The following RBM47 variants were observed in gnomAD, a reference collection of about 807,000 sequenced individuals.
The protein encoded by RBM47 is RNA-binding protein 47.
In RBM47, 21 loss-of-function variants were observed where a neutral mutation model predicts 47.1. That is an observed-to-expected ratio of 0.45 (90% CI 0.32 to 0.64). RBM47 has a LOEUF of 0.64. Among genes scored for constraint, RBM47 ranks in the 30% least tolerant of loss-of-function variants. The pLI, the probability that RBM47 is intolerant of heterozygous loss-of-function variation, is 0.05. For missense variants in RBM47, 708 were observed against 870.9 expected, an observed-to-expected ratio of 0.81 and a Z score of 2.35; for synonymous variants, 375 against 361.7, an observed-to-expected ratio of 1.04 and a Z score of -0.42.
chr4:40,618,978 C>A (rs1025622845), intron 1 of RBM47, among the ~76,000 whole-genome samples: 2 of 152,118 alleles, frequency 1.3e-5, no homozygotes, highest in South Asian at 4.2e-4. Context: ...AGATCAGAAC[C>A]CCCCATCCTC....
chr4:40,436,171 C>CAAAAAAA (rs68002544), intron 5 of RBM47, among the ~76,000 whole-genome samples: 2 of 130,214 alleles, frequency 1.5e-5, no homozygotes, highest in African/African-American at 3.0e-5. Context: ...GACTCTGTCT[C>CAAAAAAA]AAAAAAAAAA....
chr4:40,425,631 A>G lies in RBM47; in HGVS notation c.*273T>C. 3.0e-6 allele frequency: 1 copy of G among 336,538 alleles called. No individual in the cohort carries two copies. The highest frequency in any genetic ancestry group is 5.5e-6 in the Non-Finnish European group (1 of 182,584). 20.8% of individuals were successfully genotyped at this position (336,538 alleles called of 1,614,324 possible). On this transcript the variant is annotated 3_prime_UTR_variant, in exon 7 of 7. Coordinates refer to ENST00000295971, the MANE Select transcript of RBM47 (RefSeq NM_001098634.2). ...AAACAACAACAAAAACCTCTATACA[A>G]ATGTAGTACAGCATACAAATTTTTA...
intron 1 of RBM47, among the ~76,000 whole-genome samples, chr4:40,571,517 G>A (rs1731707486): frequency 6.6e-6 from 1 of 151,958 alleles, no homozygotes; most frequent in African/African-American, 2.4e-5. Flanking sequence ...AGAAAACATA[G>A]GAGAATCTTT....
chr4:40,581,072 A>G (rs1344444663), intron 1 of RBM47, among the ~76,000 whole-genome samples: 3 of 152,180 alleles, frequency 2.0e-5, no homozygotes, highest in South Asian at 2.1e-4. Context: ...AGGTGGCCAG[A>G]GGTCATGAGC....
At chr4:40,496,360 AC>A (rs1457646866) in intron 2 of RBM47, among the ~76,000 whole-genome samples, 5 of 101,312 alleles carry the variant, frequency 4.9e-5, no homozygotes, top group African/African-American at 2.4e-4. Context: ...ACACACACAC[AC>A]ACAAAGAGAG....
At chr4:40,626,730 G>T (rs868079370) in intron 1 of RBM47, among the ~76,000 whole-genome samples, 7 of 152,284 alleles carry the variant, frequency 4.6e-5, no homozygotes, top group South Asian at 2.1e-4. Context: ...TCACAGAATA[G>T]ACGGGGAAGC....
chr4:40,448,206 A>G (rs1269769956), intron 3 of RBM47, among the ~76,000 whole-genome samples: 1 of 152,020 alleles, frequency 6.6e-6, no homozygotes, highest in Non-Finnish European at 1.5e-5. Flanking sequence ...AAAATAAATA[A>G]ATAAATAAAT....
chr4:40,618,894 A>C (rs890821644), intron 1 of RBM47, among the ~76,000 whole-genome samples: 1 of 151,816 alleles, frequency 6.6e-6, no homozygotes, highest in African/African-American at 2.4e-5. Flanking sequence ...ACACACCCAA[A>C]ATTGAACTCC....
At chr4:40,597,456 C>T (rs1250726864) in intron 1 of RBM47, among the ~76,000 whole-genome samples, 2 of 150,936 alleles carry the variant, frequency 1.3e-5, no homozygotes, top group East Asian at 3.9e-4. Flanking sequence ...ATTAGCCAGG[C>T]CTGTAATCCC....
chr4:40,479,069 A>G (rs138545782), intron 2 of RBM47, among the ~76,000 whole-genome samples: 253 of 152,356 alleles, frequency 1.7e-3, no homozygotes, highest in Non-Finnish European at 2.8e-3. Flanking sequence ...GGTATCAGCA[A>G]TAATAGTTGG....
At chr4:40,476,308 C>T (rs1231189682) in intron 2 of RBM47, among the ~76,000 whole-genome samples, 1 of 151,984 alleles carries the variant, frequency 6.6e-6, no homozygotes, top group African/African-American at 2.4e-5. Context: ...TTCCCCTTCT[C>T]ATTATATCTG....
In RBM47 at chr4:40,561,544, C is replaced by CTTTTCTTTT. The variant is rs1560470026; in HGVS notation, c.-239-17039_-239-17038insAAAAGAAAA. Among the ~76,000 whole-genome samples, 3 of 124,574 alleles carry CTTTTCTTTT rather than the reference C, an allele frequency of 2.4e-5. 1 individual carries two copies. Among genetic ancestry groups the CTTTTCTTTT allele is most frequent in the Admixed American group, 1.6e-4 (2 of 12,488 alleles). 81.7% of individuals were successfully genotyped at this position (124,574 alleles called of 152,430 possible). On this transcript the variant is annotated intron_variant, in intron 1 of 6. Coordinates refer to ENST00000295971, the MANE Select transcript of RBM47 (RefSeq NM_001098634.2). ...CAACTTCTTTTTTGCTTCTTCTTTTCTTTTTTTTTTCTTTTTTTTTTTTGA... is the reference window on the plus strand; with the variant it reads ...CAACTTCTTTTTTGCTTCTTCTTTTCTTTTCTTTTTTTTTTTTTTCTTTTTTTTTTTTGA...
chr4:40,460,236 C>A (rs202154024), intron 3 of RBM47, among the ~76,000 whole-genome samples: 2 of 131,458 alleles, frequency 1.5e-5, no homozygotes, highest in African/African-American at 5.8e-5. Context: ...TTTCTTTTTT[C>A]TTTTGGCCTT....
At chr4:40,448,191 A>G (rs1427024723) in intron 3 of RBM47, among the ~76,000 whole-genome samples, 1 of 151,992 alleles carries the variant, frequency 6.6e-6, no homozygotes. Context: ...GTGAGACTCC[A>G]TCTCAAAATA....
intron 2 of RBM47, among the ~76,000 whole-genome samples, chr4:40,486,234 T>A (rs1198280721): frequency 6.6e-6 from 1 of 152,086 alleles, no homozygotes; most frequent in Non-Finnish European, 1.5e-5. Flanking sequence ...TAAATGGAAT[T>A]TTAAAACATT....
At chr4:40,493,227 T>A (rs1458144945) in intron 2 of RBM47, among the ~76,000 whole-genome samples, 1 of 152,164 alleles carries the variant, frequency 6.6e-6, no homozygotes, top group Admixed American at 6.6e-5. Flanking sequence ...ATGTAGACTG[T>A]CATTGAAAAA....
At chr4:40,584,062 TC>T (rs1203390807) in intron 1 of RBM47, among the ~76,000 whole-genome samples, 1 of 152,010 alleles carries the variant, frequency 6.6e-6, no homozygotes, top group Non-Finnish European at 1.5e-5. Flanking sequence ...GCCTCCAGGC[TC>T]AAGCGATCCT....
At chr4:40,596,037 C>CCA (rs1734726729) in intron 1 of RBM47, among the ~76,000 whole-genome samples, 1 of 152,220 alleles carries the variant, frequency 6.6e-6, no homozygotes, top group African/African-American at 2.4e-5. Flanking sequence ...GCATTCTAAG[C>CCA]CACAGAAGAC....
chr4:40,479,257 G>T (rs1415641944), intron 2 of RBM47, among the ~76,000 whole-genome samples: 1 of 152,220 alleles, frequency 6.6e-6, no homozygotes, highest in Non-Finnish European at 1.5e-5. Context: ...TATCTGAAAT[G>T]AGTGTTCCTT....
Sources: gnomAD v4.1 joint callset for allele counts (sites outside exome capture counted in the v4.1 genomes callset) on GRCh38, gnomAD v4.1.1 for gene constraint, MANE v1.5 for transcripts, NCBI Gene and HGNC (gene_info 2026-07-23, HGNC 2026-07-21) for gene names.